DLD: variants seen among roughly 807,000 people sequenced by gnomAD.
The protein encoded by DLD is dihydrolipoamide dehydrogenase, also known as dihydrolipoyl dehydrogenase, mitochondrial.
DLD carries 36 observed loss-of-function variants against 62.2 expected under a neutral mutation model. The ratio of observed to expected loss-of-function variants is 0.58; its 90% CI spans 0.44 to 0.76. The LOEUF is 0.76. Ranked by LOEUF, DLD falls within the 30% of genes least tolerant of loss-of-function variation. The pLI is 0.00. For synonymous variants in DLD, 204 were observed against 199.6 expected, an observed-to-expected ratio of 1.02 and a Z score of -0.19; for missense variants, 541 against 608.6, an observed-to-expected ratio of 0.89 and a Z score of 1.17.
intron 12 of DLD, 80 bp downstream of exon 12, chr7:107,918,141 T>G (rs1327166415): frequency 6.4e-7 from 1 of 1,552,336 alleles, no homozygotes; most frequent in East Asian, 2.3e-5. Context: ...CCACCTGGTG[T>G]TAGTCTGAGG....
chr7:107,893,249 T>A lies in DLD; in HGVS notation c.89T>A (p.Val30Glu). The A allele has an allele frequency of 2.5e-6, 4 of 1,613,502 alleles. No homozygotes were observed. The highest frequency in any genetic ancestry group is 3.4e-6 in the Non-Finnish European group (4 of 1,179,700). ...CATGGCCTACAGGGACTTTCTGCAG[T>A]GCCTCTGAGAACTTACGCAGATCAG... ...ISHGLQGLSA[V>E]PLRTYADQPI... Residue 30 changes from valine (V) to glutamate (E), a missense_variant, in exon 2 of 14, where the codon GTG (valine) becomes GAG (glutamate). Coordinates refer to ENST00000205402, the MANE Select transcript of DLD (RefSeq NM_000108.5).
intron 1 of DLD, 55 bp downstream of exon 1, chr7:107,891,344 C>T: frequency 6.2e-7 from 1 of 1,601,916 alleles, no homozygotes; most frequent in Non-Finnish European, 8.6e-7. Context: ...AGGTCCCGCT[C>T]AGTGGGTCCG....
chr7:107,900,558 A>T (rs908399286), intron 2 of DLD, among the ~76,000 whole-genome samples: 1 of 152,104 alleles, frequency 6.6e-6, no homozygotes. Flanking sequence ...ATAAAGCTTG[A>T]TTATTGCTCT....
At chr7:107,912,217 CTTTG>C (rs546194489) in intron 8 of DLD, among the ~76,000 whole-genome samples, 146 of 152,036 alleles carry the variant, frequency 9.6e-4, no homozygotes, top group Non-Finnish European at 1.6e-3. Context: ...ACCACATTTT[CTTTG>C]TTTGTCTGCT....
At chr7:107,906,221 A>T in intron 7 of DLD, 46 bp from the exon 8 acceptor site, 1 of 1,228,922 alleles carries the variant, frequency 8.1e-7, no homozygotes, top group Non-Finnish European at 1.2e-6. Flanking sequence ...CGACTGTACT[A>T]GGTTTTTTCA....
chr7:107,903,210 C>T (rs1227077998), intron 4 of DLD, among the ~76,000 whole-genome samples: 2 of 152,076 alleles, frequency 1.3e-5, no homozygotes, highest in African/African-American at 4.8e-5. Flanking sequence ...ACCAGCCTGA[C>T]CAACATGGAG....
intron 9 of DLD, among the ~76,000 whole-genome samples, chr7:107,916,269 A>C (rs1433535421): frequency 1.3e-5 from 2 of 152,144 alleles, no homozygotes; most frequent in Non-Finnish European, 2.9e-5. Context: ...CTGTTTTATT[A>C]TACTGTGGTT....
Position 107,906,272 on chromosome 7 carries a change from T to G in DLD, c.588T>G (p.Asp196Glu). 2 of 1,561,808 alleles carry G rather than the reference T, an allele frequency of 1.3e-6. No individual in the cohort carries two copies. The highest frequency in any genetic ancestry group is 1.8e-6 in the Non-Finnish European group (2 of 1,132,614). Residue 196 changes from aspartate (D) to glutamate (E), a missense_variant, in exon 8 of 14, where the codon GAT (aspartate) becomes GAG (glutamate). Coordinates refer to ENST00000205402, the MANE Select transcript of DLD (RefSeq NM_000108.5). The part of the protein sequence containing the change: ...EVTPFPGITI[D>E]EDTIVSSTGA... ...ATCTTTTGTTTTTCTTACAGATAGA[T>G]GAAGATACAATAGTGTCATCTACAG...
rs116456699 is a variant in DLD at position 107,913,985 on chromosome 7, G to A, written c.685-1521G>A. On this transcript the variant is annotated intron_variant, in intron 8 of 13. Transcript: ENST00000205402. ...TCAGCATCTGTTGAAGTGATCATAT[G>A]GTTTTTGTTCTTGGTTCTGTTAATG... Among the ~76,000 whole-genome samples the A allele has an allele frequency of 3.0e-3, 460 of 152,140 alleles. 1 individual carries two copies. The highest frequency in any genetic ancestry group is 9.8e-3 in the African/African-American group (406 of 41,520).
chr7:107,896,669 A>G (rs1029246818), intron 2 of DLD, among the ~76,000 whole-genome samples: 6 of 152,230 alleles, frequency 3.9e-5, no homozygotes, highest in African/African-American at 1.4e-4. Context: ...CTGGATATTA[A>G]GGCCATTGAC....
intron 2 of DLD, among the ~76,000 whole-genome samples, chr7:107,894,739 G>C: frequency 6.6e-6 from 1 of 152,230 alleles, no homozygotes. Flanking sequence ...GAATGAGGCT[G>C]AGTGTTCCAT....
rs1026605853 is a variant in DLD at position 107,891,185 on chromosome 7, T to C, written c.-66T>C. On this transcript the variant is annotated 5_prime_UTR_variant, in exon 1 of 14. Coordinates refer to ENST00000205402, the MANE Select transcript of DLD (RefSeq NM_000108.5). ...GTGCATGCGCAGGGAGGGGAGACCT[T>C]GGCGGAGCGGCGGAGGCGCCCAGCG... 1.3e-6 allele frequency: 2 copies of C among 1,597,982 alleles called. No homozygotes were observed. The highest frequency in any genetic ancestry group is 2.7e-5 in the African/African-American group (2 of 74,612).
intron 11 of DLD, 99 bp downstream of exon 11, chr7:107,917,561 A>G: frequency 8.6e-7 from 1 of 1,164,174 alleles, no homozygotes; most frequent in Non-Finnish European, 1.3e-6. Flanking sequence ...AATATATTTA[A>G]CAGCTGTGAA....
chr7:107,902,523 G>GAA (rs1052675302), intron 4 of DLD, 130 bp downstream of exon 4: 6 of 802,064 alleles, frequency 7.5e-6, no homozygotes, highest in Non-Finnish European at 1.3e-5. Flanking sequence ...TTCACACAGA[G>GAA]AAAAAAAAGA....
At chr7:107,905,183 C>T (rs1001361356) in intron 6 of DLD, 125 bp downstream of exon 6, 1 of 1,035,696 alleles carries the variant, frequency 9.7e-7, no homozygotes, top group Non-Finnish European at 1.4e-6. Context: ...GCTTGCTAAC[C>T]TGAAATAGAT....
intron 8 of DLD, among the ~76,000 whole-genome samples, chr7:107,907,859 A>AAG (rs2032044715): frequency 6.6e-6 from 1 of 152,234 alleles, no homozygotes; most frequent in African/African-American, 2.4e-5. Flanking sequence ...AGCTTCTCAA[A>AAG]AGAGTTGTCC....
At chr7:107,903,125 G>A (rs1313867814) in intron 4 of DLD, among the ~76,000 whole-genome samples, 11 of 152,114 alleles carry the variant, frequency 7.2e-5, no homozygotes, top group African/African-American at 2.4e-4. Context: ...TCGGCCGGGC[G>A]CGGTGGCTCA....
At chr7:107,916,105 A>G (rs1235762837) in intron 9 of DLD, among the ~76,000 whole-genome samples, 1 of 152,202 alleles carries the variant, frequency 6.6e-6, no homozygotes, top group African/African-American at 2.4e-5. Context: ...TAAATTAAAT[A>G]GTTAATAGTA....
intron 8 of DLD, among the ~76,000 whole-genome samples, chr7:107,910,314 C>T (rs972353243): frequency 8.5e-5 from 13 of 152,146 alleles, no homozygotes; most frequent in East Asian, 3.8e-4. Flanking sequence ...TATAATATCT[C>T]GAAGCAATAA....
Sources: gnomAD v4.1 joint callset for allele counts (sites outside exome capture counted in the v4.1 genomes callset) on GRCh38, gnomAD v4.1.1 for gene constraint, MANE v1.5 for transcripts, NCBI Gene and HGNC (gene_info 2026-07-23, HGNC 2026-07-21) for gene names.